Variants in TSC22D1 observed in about 807,000 individuals in gnomAD.
The protein encoded by TSC22D1 is TSC22 domain family member 1.
In TSC22D1, 9 loss-of-function variants were observed where a neutral mutation model predicts 74.2. The observed-to-expected ratio is 0.12, with a 90% CI of 0.07 to 0.21. The LOEUF (loss-of-function observed/expected upper bound fraction) is 0.21. Ranked by LOEUF, TSC22D1 falls within the 10% of genes least tolerant of loss-of-function variation. The pLI, the probability that TSC22D1 is intolerant of heterozygous loss-of-function variation, is 1.00. For synonymous variants in TSC22D1, 586 were observed against 492.5 expected (o/e 1.19, Z -2.51); for missense variants, 1,427 against 1,304.7 (o/e 1.09, Z -1.44).
At chr13:44,450,453 T>C (rs1293578140) in intron 1 of TSC22D1, among the ~76,000 whole-genome samples, 1 of 152,122 alleles carries the variant, frequency 6.6e-6, no homozygotes, top group Non-Finnish European at 1.5e-5. Flanking sequence ...TTTGGCAAGG[T>C]CACTCTGACC....
intron 1 of TSC22D1, chr13:44,437,342 G>A: frequency 1.3e-6 from 1 of 765,624 alleles, no homozygotes; most frequent in South Asian, 5.9e-5. Context: ...TACCGGCAGC[G>A]GTACTGGGAG....
chr13:44,564,180 T>A (rs1424003973), intron 1 of TSC22D1, among the ~76,000 whole-genome samples: 1 of 152,210 alleles, frequency 6.6e-6, no homozygotes, highest in Non-Finnish European at 1.5e-5. Flanking sequence ...TATATTTTCT[T>A]GATTAAGCAG....
intron 1 of TSC22D1, among the ~76,000 whole-genome samples, chr13:44,558,626 G>A (rs964438487): frequency 2.0e-5 from 3 of 152,030 alleles, no homozygotes; most frequent in Admixed American, 2.0e-4. Flanking sequence ...TGTAATCCCA[G>A]CTACTTAGGA....
At chr13:44,457,004 AAC>A (rs1274878643) in intron 1 of TSC22D1, among the ~76,000 whole-genome samples, 2 of 152,256 alleles carry the variant, frequency 1.3e-5, no homozygotes, top group African/African-American at 4.8e-5. Flanking sequence ...TTTTAAAATT[AAC>A]AGAGCCTATC....
intron 1 of TSC22D1, among the ~76,000 whole-genome samples, chr13:44,507,608 T>G (rs965613731): frequency 5.9e-5 from 9 of 152,172 alleles, no homozygotes; most frequent in Non-Finnish European, 1.3e-4. Flanking sequence ...TGAAAATAGA[T>G]GAAGCTGCAA....
intron 1 of TSC22D1, among the ~76,000 whole-genome samples, chr13:44,572,077 TAATTA>T (rs1462521515): frequency 2.6e-5 from 4 of 152,296 alleles, no homozygotes; most frequent in East Asian, 1.9e-4. Context: ...AATACTAAAA[TAATTA>T]AATATCTTGC....
At chr13:44,570,871 A>C (rs1883718483) in intron 1 of TSC22D1, among the ~76,000 whole-genome samples, 2 of 152,212 alleles carry the variant, frequency 1.3e-5, no homozygotes, top group Admixed American at 6.5e-5. Flanking sequence ...TCTTGTAGTT[A>C]TTCTTAAATT....
intron 1 of TSC22D1, among the ~76,000 whole-genome samples, chr13:44,565,117 G>A (rs539960964): frequency 1.3e-5 from 2 of 152,274 alleles, no homozygotes; most frequent in South Asian, 2.1e-4. Context: ...ACCCGTCTAA[G>A]GCTAAGAAGA....
At chr13:44,435,071 A>G in intron 2 of TSC22D1, 188 bp from the exon 3 acceptor site, 1 of 572,146 alleles carries the variant, frequency 1.7e-6, no homozygotes, top group Middle Eastern at 4.7e-4. Flanking sequence ...TAACGTATAA[A>G]TGATCAAGCT....
chr13:44,476,142 T>G (rs1043660419), intron 1 of TSC22D1, among the ~76,000 whole-genome samples: 1 of 152,194 alleles, frequency 6.6e-6, no homozygotes, highest in Non-Finnish European at 1.5e-5. Context: ...GAAAACTGTT[T>G]ACATCTTAAG....
intron 1 of TSC22D1, among the ~76,000 whole-genome samples, chr13:44,504,794 A>G (rs936567800): frequency 6.6e-6 from 1 of 152,208 alleles, no homozygotes; most frequent in Admixed American, 6.5e-5. Context: ...TATCAACATC[A>G]ACAGCAAATT....
chr13:44,539,384 T>TA, intron 1 of TSC22D1: 2 of 985,352 alleles, frequency 2.0e-6, no homozygotes, highest in South Asian at 4.7e-5. Context: ...CTGTATAAAT[T>TA]AGACTTCAAA....
At chr13:44,516,407 T>A (rs1045354988) in intron 1 of TSC22D1, 12 of 408,406 alleles carry the variant, frequency 2.9e-5, no homozygotes, top group African/African-American at 2.4e-4. Context: ...TAAAAGTTCC[T>A]GAAGACTTGA....
chr13:44,568,968 G>T (rs946066756), intron 1 of TSC22D1, among the ~76,000 whole-genome samples: 2 of 151,924 alleles, frequency 1.3e-5, no homozygotes, highest in Admixed American at 6.6e-5. Context: ...TGGGAGGAAG[G>T]GTACTGGGAA....
intron 1 of TSC22D1, among the ~76,000 whole-genome samples, chr13:44,497,359 G>A (rs1879023292): frequency 6.6e-6 from 1 of 152,180 alleles, no homozygotes; most frequent in Non-Finnish European, 1.5e-5. Context: ...GAAACAGAAA[G>A]CATATTGGTG....
At chr13:44,523,997 C>A (rs1488509815) in intron 1 of TSC22D1, among the ~76,000 whole-genome samples, 1 of 151,920 alleles carries the variant, frequency 6.6e-6, no homozygotes, top group Admixed American at 6.6e-5. Flanking sequence ...GAGAAAAAGC[C>A]TTTGAAAAAA....
At chr13:44,472,951 G>C (rs1480654960) in intron 1 of TSC22D1, among the ~76,000 whole-genome samples, 2 of 152,182 alleles carry the variant, frequency 1.3e-5, no homozygotes, top group African/African-American at 4.8e-5. Context: ...ACTTGGACTT[G>C]CAGTTCCACG....
intron 1 of TSC22D1, among the ~76,000 whole-genome samples, chr13:44,507,993 C>G (rs1424863953): frequency 6.6e-6 from 1 of 152,206 alleles, no homozygotes; most frequent in Non-Finnish European, 1.5e-5. Context: ...AATAATTTAA[C>G]TGGTGTCCCA....
intron 1 of TSC22D1, among the ~76,000 whole-genome samples, chr13:44,456,115 G>C (rs1021963381): frequency 6.6e-6 from 1 of 152,340 alleles, no homozygotes; most frequent in Admixed American, 6.5e-5. Flanking sequence ...CTGACTTAAA[G>C]AATAAAGCCG....
Sources: gnomAD v4.1 joint callset for allele counts (sites outside exome capture counted in the v4.1 genomes callset) on GRCh38, gnomAD v4.1.1 for gene constraint, MANE v1.5 for transcripts, NCBI Gene and HGNC (gene_info 2026-07-23, HGNC 2026-07-21) for gene names.